The following NR3C1 variants were observed in gnomAD, a reference collection of about 807,000 sequenced individuals.
NR3C1 encodes the protein nuclear receptor subfamily 3 group C member 1.
Under a neutral mutation model 74.0 loss-of-function variants are expected in NR3C1, and 14 were observed. The observed-to-expected ratio is 0.19, with a 90% CI of 0.12 to 0.30. The LOEUF (loss-of-function observed/expected upper bound fraction) is 0.30. NR3C1 is among the 10% of genes least tolerant of loss of function. The probability of loss-of-function intolerance (pLI) is 1.00; values close to 1 mark genes in which losing one functional copy is unlikely to be tolerated. For synonymous variants in NR3C1, 308 were observed against 332.5 expected, an observed-to-expected ratio of 0.93 and a Z score of 0.80; for missense variants, 695 against 909.8, an observed-to-expected ratio of 0.76 and a Z score of 3.04.
chr5:143,310,224 TA>T lies in NR3C1; in HGVS notation c.1352-12del. On this transcript the variant is annotated splice_polypyrimidine_tract_variant and intron_variant, in intron 3 of 8. Coordinates refer to ENST00000394464, the MANE Select transcript of NR3C1 (RefSeq NM_000176.3). ...GGTAATTGTGCTGTCCTATATGGAA[TA>T]AAAGGCACTATTAAAGTTTCACAGG... 1.9e-6 allele frequency: 3 copies of T among 1,560,760 alleles called. No individual in the cohort carries two copies. The highest frequency in any genetic ancestry group is 1.8e-6 in the Non-Finnish European group (2 of 1,132,896).
At chr5:143,350,300 AG>A (rs1398325615) in intron 2 of NR3C1, among the ~76,000 whole-genome samples, 1 of 152,166 alleles carries the variant, frequency 6.6e-6, no homozygotes, top group African/African-American at 2.4e-5. Context: ...AAATTATGGT[AG>A]CCTGGCTTAA....
chr5:143,391,996 C>T (rs369594009), intron 2 of NR3C1, among the ~76,000 whole-genome samples: 4 of 151,562 alleles, frequency 2.6e-5, no homozygotes, highest in African/African-American at 9.7e-5. Context: ...GACGGAGACT[C>T]GCTCTGTCGC....
intron 2 of NR3C1, among the ~76,000 whole-genome samples, chr5:143,390,978 G>A (rs2151914508): frequency 6.6e-6 from 1 of 152,210 alleles, no homozygotes; most frequent in East Asian, 1.9e-4. Context: ...CAGTTTCAAA[G>A]AGGAGCAATA....
At chr5:143,426,717 A>T (rs1324991364) in intron 1 of NR3C1, among the ~76,000 whole-genome samples, 1 of 152,344 alleles carries the variant, frequency 6.6e-6, no homozygotes, top group African/African-American at 2.4e-5. Context: ...ACGTTACGGT[A>T]CAAAAATTAG....
At chr5:143,381,603 C>T (rs1249504649) in intron 2 of NR3C1, among the ~76,000 whole-genome samples, 1 of 151,888 alleles carries the variant, frequency 6.6e-6, no homozygotes, top group Non-Finnish European at 1.5e-5. Context: ...GATACACAGA[C>T]CTAGAGAACC....
chr5:143,394,664 AT>A, intron 2 of NR3C1, among the ~76,000 whole-genome samples: 1 of 152,122 alleles, frequency 6.6e-6, no homozygotes, highest in South Asian at 2.1e-4. Flanking sequence ...TTTTTTGATA[AT>A]AAAGCATAGT....
intron 2 of NR3C1, among the ~76,000 whole-genome samples, chr5:143,352,506 T>G (rs1024521929): frequency 4.0e-5 from 6 of 151,802 alleles, no homozygotes; most frequent in Admixed American, 3.9e-4. Flanking sequence ...ATATTCTACG[T>G]TTTTTTTATA....
At chr5:143,434,442 G>T in intron 1 of NR3C1, 1 of 672,698 alleles carries the variant, frequency 1.5e-6, no homozygotes, top group Non-Finnish European at 1.8e-6. Context: ...CTTTTTTTCT[G>T]ATGCTCTGAC....
chr5:143,405,700 C>T (rs1198266266), upstream of NR3C1, among the ~76,000 whole-genome samples: 2 of 152,154 alleles, frequency 1.3e-5, no homozygotes, highest in Non-Finnish European at 2.9e-5. Flanking sequence ...AACCGTATGC[C>T]AACGTAGAAC....
intron 6 of NR3C1, among the ~76,000 whole-genome samples, chr5:143,296,229 A>G (rs1467834917): frequency 6.6e-6 from 1 of 152,154 alleles, no homozygotes; most frequent in Non-Finnish European, 1.5e-5. Context: ...AAATGACACT[A>G]AGAGCCTGAA....
At chr5:143,402,630 C>G (rs1840517481) in intron 1 of NR3C1, 2 of 985,556 alleles carry the variant, frequency 2.0e-6, no homozygotes, top group Non-Finnish European at 2.4e-6. Context: ...GACACGCCCA[C>G]TTCTAACAGA....
intron 2 of NR3C1, among the ~76,000 whole-genome samples, chr5:143,360,750 G>A (rs1157060268): frequency 2.0e-5 from 3 of 152,082 alleles, no homozygotes; most frequent in Admixed American, 1.3e-4. Flanking sequence ...TGATGTTTCC[G>A]GGGTTTCTGG....
In NR3C1 at chr5:143,278,258, T is replaced by G. The variant is rs749835246; in HGVS notation, c.*3631A>C. 2 of 152,170 alleles carry G rather than the reference T, an allele frequency of 1.3e-5. No homozygotes were observed. The highest frequency in any genetic ancestry group is 6.6e-5 in the Admixed American group (1 of 15,264). 9.4% of individuals were successfully genotyped at this position (152,170 alleles called of 1,614,324 possible). A position where few individuals can be genotyped will look rare whatever the true frequency, so the allele number is the denominator to read the frequency against. ...TGTGATAAAAAATAATGAAAAAGCT[T>G]CTTAATAATGCCATACACAGTATAA... On this transcript the variant is annotated 3_prime_UTR_variant, in exon 9 of 9. Transcript: ENST00000394464.
In NR3C1 at chr5:143,282,475, GT is replaced by G. The variant is rs1813317569; in HGVS notation, c.2181+92del. ...CAACATCCACAAACTGGGGGCGGGG[GT>G]GGGGGCGCTGCTGGTATATAATTAT... On this transcript the variant is annotated intron_variant, in intron 8 of 8. Coordinates refer to ENST00000394464, the MANE Select transcript of NR3C1 (RefSeq NM_000176.3). 14 of 1,425,340 alleles carry G rather than the reference GT, an allele frequency of 9.8e-6. No individual in the cohort carries two copies. In the East Asian group the frequency reaches 3.0e-4, roughly 31 times the overall value. The allele number at this position is 1,425,340 out of a possible 1,614,324, so 88.3% of individuals were successfully genotyped here.
chr5:143,420,601 G>A (rs1361505958), intron 1 of NR3C1, among the ~76,000 whole-genome samples: 1 of 152,050 alleles, frequency 6.6e-6, no homozygotes. Context: ...GAAATTCCTG[G>A]AGACATTTTT....
chr5:143,416,424 T>C (rs892144014), intron 1 of NR3C1, among the ~76,000 whole-genome samples: 1 of 151,918 alleles, frequency 6.6e-6, no homozygotes, highest in Non-Finnish European at 1.5e-5. Flanking sequence ...GCAGCTGTGG[T>C]CTACCACTTA....
intron 2 of NR3C1, among the ~76,000 whole-genome samples, chr5:143,371,107 G>C (rs1333813936): frequency 6.6e-6 from 1 of 152,066 alleles, no homozygotes; most frequent in East Asian, 1.9e-4. Context: ...ACCAGAAAAG[G>C]GGGAAATTTT....
chr5:143,385,997 C>A (rs1380637011), intron 2 of NR3C1, among the ~76,000 whole-genome samples: 1 of 152,182 alleles, frequency 6.6e-6, no homozygotes, highest in Non-Finnish European at 1.5e-5. Context: ...AAAAGAGGTT[C>A]AACTGACTCA....
At chr5:143,296,905 C>T (rs2963145) in intron 6 of NR3C1, among the ~76,000 whole-genome samples, 2,787 of 151,648 alleles carry the variant, frequency 0.018, 91 homozygotes, top group African/African-American at 0.064. Flanking sequence ...GGCAAAACCC[C>T]GTCTCTACTA....
Sources: gnomAD v4.1 joint callset for allele counts (sites outside exome capture counted in the v4.1 genomes callset) on GRCh38, gnomAD v4.1.1 for gene constraint, MANE v1.5 for transcripts, NCBI Gene and HGNC (gene_info 2026-07-23, HGNC 2026-07-21) for gene names.